Variants in INTU observed in about 807,000 individuals in gnomAD.
The protein encoded by INTU is protein inturned.
A neutral mutation model predicts 100.5 loss-of-function variants in INTU; 68 were observed. The ratio of observed to expected loss-of-function variants is 0.68; its 90% CI spans 0.56 to 0.83. The LOEUF is 0.83. INTU is among the 40% of genes least tolerant of loss of function. The pLI, the probability that INTU is intolerant of heterozygous loss-of-function variation, is 0.00. For missense variants in INTU, 1,071 were observed against 1,114.7 expected (o/e 0.96, Z 0.56); for synonymous variants, 357 against 395.7 (o/e 0.90, Z 1.16).
At chr4:127,705,173 G>A (rs1730825876) in intron 10 of INTU, among the ~76,000 whole-genome samples, 1 of 151,758 alleles carries the variant, frequency 6.6e-6, no homozygotes, top group Non-Finnish European at 1.5e-5. Context: ...AGCATCAAAT[G>A]AATTTAAGTA....
intron 13 of INTU, among the ~76,000 whole-genome samples, chr4:127,709,077 C>T (rs1730996874): frequency 6.6e-6 from 1 of 152,298 alleles, no homozygotes; most frequent in Admixed American, 6.5e-5. Flanking sequence ...TCACAGCTCC[C>T]CTAGCCTTGT....
intron 1 of INTU, among the ~76,000 whole-genome samples, chr4:127,641,028 T>C (rs967697770): frequency 7.0e-6 from 1 of 143,772 alleles, no homozygotes; most frequent in African/African-American, 2.6e-5. Context: ...TCTCTCTCTC[T>C]CCCCACCTAA....
Position 127,647,854 on chromosome 4 carries a change from A to C in INTU, c.682+3798A>C, listed in dbSNP as rs1430032447. Among the ~76,000 whole-genome samples, 5 of 152,186 alleles carry C rather than the reference A, an allele frequency of 3.3e-5. No homozygotes were observed. The East Asian group carries it at 9.6e-4, about 29-fold the overall frequency. The stretch of plus-strand genomic sequence containing the variant: ...TTTTGTCAAAAATAATTTAAGTTGT[A>C]TATTCATTTTATATATAGTATAAAC... On this transcript the variant is annotated intron_variant, in intron 2 of 15. Coordinates refer to ENST00000335251, the MANE Select transcript of INTU (RefSeq NM_015693.4).
chr4:127,704,222 C>T lies in INTU; in HGVS notation c.1504-6C>T, dbSNP rs1402185381. 1.2e-6 allele frequency: 2 copies of T among 1,600,850 alleles called. No individual in the cohort carries two copies. The highest frequency in any genetic ancestry group is 4.5e-5 in the East Asian group (2 of 44,802). On this transcript the variant is annotated splice_region_variant and splice_polypyrimidine_tract_variant and intron_variant, in intron 9 of 15. Transcript: ENST00000335251. ...ATATAAAATCCACTATGAATTTTTCCCCCAGTCCGAGGATTACTATGACAT... is the reference window on the plus strand; with the variant it reads ...ATATAAAATCCACTATGAATTTTTCTCCCAGTCCGAGGATTACTATGACAT...
At chr4:127,653,659 G>A (rs1225936749) in intron 2 of INTU, among the ~76,000 whole-genome samples, 10 of 150,732 alleles carry the variant, frequency 6.6e-5, no homozygotes, top group African/African-American at 2.4e-4. Flanking sequence ...GTCAATTTTG[G>A]AATAGGTGTG....
At position 127,656,686 on chromosome 4, in the gene INTU, G is replaced by T. The variant is rs533032993; in HGVS notation, c.733G>T (p.Glu245Ter). ...TGTCGATGTTACTACTGAAAACATC[G>T]AGAGAGTTCTGTCTTGCATTCCTGG... ...NDVDVTTENI[E>*]RVLSCIPGPM... is the part of the protein sequence containing the mutation. The change falls in exon 3 of 16, where the codon GAG becomes TAG. Residue 245 changes from glutamate (E) to a stop codon, truncating the protein, a stop_gained. Coordinates refer to ENST00000335251, the MANE Select transcript of INTU (RefSeq NM_015693.4). LOFTEE classifies it high-confidence loss of function. 1 of 1,610,810 alleles carries T rather than the reference G, an allele frequency of 6.2e-7. No homozygotes were observed. Among genetic ancestry groups the T allele is most frequent in the Non-Finnish European group, 8.5e-7 (1 of 1,177,600 alleles).
At chr4:127,662,502 C>T (rs1728518246) in intron 3 of INTU, among the ~76,000 whole-genome samples, 1 of 152,114 alleles carries the variant, frequency 6.6e-6, no homozygotes, top group Admixed American at 6.6e-5. Flanking sequence ...TTTGGTACTT[C>T]TTTGAAATGA....
rs546895919 is a variant in INTU, at chr4:127,645,785, A to G, written c.682+1729A>G. ...CACCATGTTGGTCAGGCTGGTCTTG[A>G]ACTCCTGACCTCAGGTGATCCACCC... On this transcript the variant is annotated intron_variant, in intron 2 of 15. Coordinates refer to ENST00000335251, the MANE Select transcript of INTU (RefSeq NM_015693.4). Among the ~76,000 whole-genome samples, 204 of 151,980 alleles carry G rather than the reference A, an allele frequency of 1.3e-3. 1 individual carries two copies. Among genetic ancestry groups the G allele is most frequent in the African/African-American group, 4.2e-3 (176 of 41,512 alleles).
Position 127,656,637 on chromosome 4 carries a change from T to C in INTU, c.684T>C (p.Gly228=), listed in dbSNP as rs1460869682. 1.2e-6 allele frequency: 2 copies of C among 1,605,414 alleles called. No homozygotes were observed. The highest frequency in any genetic ancestry group is 1.7e-6 in the Non-Finnish European group (2 of 1,172,864). ...SAMKSGQVLI[G]DVLVAVNDVD... is the part of the protein sequence containing the mutation. ...CTTTTATTGTTATTCTGGTTTCAGGTGATGTCCTTGTTGCTGTGAATGATG... is the reference window on the plus strand; with the variant it reads ...CTTTTATTGTTATTCTGGTTTCAGGCGATGTCCTTGTTGCTGTGAATGATG... Residue 228 remains glycine, a splice_region_variant and synonymous_variant, in exon 3 of 16, where the codon GGT becomes GGC. Coordinates refer to ENST00000335251, the MANE Select transcript of INTU (RefSeq NM_015693.4).
intron 6 of INTU, among the ~76,000 whole-genome samples, chr4:127,682,254 G>C (rs1729602730): frequency 6.6e-6 from 1 of 152,040 alleles, no homozygotes; most frequent in Non-Finnish European, 1.5e-5. Context: ...CCATTACTGG[G>C]TATATGCCCA....
chr4:127,655,822 C>T (rs1436756567), intron 2 of INTU, among the ~76,000 whole-genome samples: 2 of 152,240 alleles, frequency 1.3e-5, no homozygotes, highest in African/African-American at 2.4e-5. Context: ...CTCCCCCAGC[C>T]TCGCTGCCGC....
intron 2 of INTU, among the ~76,000 whole-genome samples, chr4:127,655,419 G>A (rs1728141474): frequency 6.7e-6 from 1 of 149,812 alleles, no homozygotes; most frequent in East Asian, 1.9e-4. Flanking sequence ...TGTCCTTTCT[G>A]TTTGTTAGTT....
chr4:127,649,865 T>C (rs1001771805), intron 2 of INTU, among the ~76,000 whole-genome samples: 3 of 152,170 alleles, frequency 2.0e-5, no homozygotes, highest in African/African-American at 7.2e-5. Context: ...TTCCTAATAA[T>C]ATATTTAGGA....
chr4:127,664,779 G>A (rs920185423), intron 4 of INTU, among the ~76,000 whole-genome samples: 15 of 151,612 alleles, frequency 9.9e-5, no homozygotes, highest in African/African-American at 3.4e-4. Context: ...TTTACACGCA[G>A]CCTGTTTCCA....
intron 6 of INTU, among the ~76,000 whole-genome samples, chr4:127,679,939 A>G (rs2126221375): frequency 6.6e-6 from 1 of 152,382 alleles, no homozygotes; most frequent in Admixed American, 6.5e-5. Context: ...CCGATCCCAC[A>G]GAATTACAAA....
intron 5 of INTU, among the ~76,000 whole-genome samples, 200 bp from the exon 6 acceptor site, chr4:127,673,924 T>G (rs542586728): frequency 6.6e-6 from 1 of 151,748 alleles, no homozygotes; most frequent in Non-Finnish European, 1.5e-5. Context: ...TTTTTTTGTT[T>G]TTTTTTTTTA....
chr4:127,705,135 A>G (rs929142669), intron 10 of INTU, among the ~76,000 whole-genome samples: 1 of 152,184 alleles, frequency 6.6e-6, no homozygotes, highest in Non-Finnish European at 1.5e-5. Flanking sequence ...ATCTTATATA[A>G]CATTTAGTTC....
intron 4 of INTU, among the ~76,000 whole-genome samples, chr4:127,666,967 A>G (rs1379875275): frequency 6.6e-6 from 1 of 152,156 alleles, no homozygotes; most frequent in Admixed American, 6.5e-5. Context: ...TTACTTAGAC[A>G]CATTTTTTTT....
intron 12 of INTU, among the ~76,000 whole-genome samples, chr4:127,707,939 G>C (rs1730955906): frequency 6.6e-6 from 1 of 152,100 alleles, no homozygotes; most frequent in South Asian, 2.1e-4. Flanking sequence ...GTCTGAGAAG[G>C]AGCACAAATA....
Sources: gnomAD v4.1 joint callset for allele counts (sites outside exome capture counted in the v4.1 genomes callset) on GRCh38, gnomAD v4.1.1 for gene constraint, MANE v1.5 for transcripts, NCBI Gene and HGNC (gene_info 2026-07-23, HGNC 2026-07-21) for gene names.